The following PARD3 variants were observed in gnomAD, a reference collection of about 807,000 sequenced individuals.
The protein encoded by PARD3 is partitioning defective 3 homolog.
In PARD3, 75 loss-of-function variants were observed where a neutral mutation model predicts 155.4. The ratio of observed to expected loss-of-function variants is 0.48; its 90% CI spans 0.40 to 0.58. The LOEUF (loss-of-function observed/expected upper bound fraction) is 0.58, where lower values mean the gene tolerates loss of function less well. Among genes scored for constraint, PARD3 ranks in the 20% least tolerant of loss-of-function variants. The pLI, the probability that PARD3 is intolerant of heterozygous loss-of-function variation, is 0.00. For missense variants in PARD3, 1,642 were observed against 1,721.7 expected (o/e 0.95, Z 0.82); for synonymous variants, 576 against 610.5 (o/e 0.94, Z 0.83).
At chr10:34,306,795 C>T (rs1048072997) in intron 20 of PARD3, among the ~76,000 whole-genome samples, 26 of 152,160 alleles carry the variant, frequency 1.7e-4, no homozygotes, top group African/African-American at 3.6e-4. Flanking sequence ...AAGATGGGAA[C>T]GCCAGCATTG....
intron 22 of PARD3, among the ~76,000 whole-genome samples, chr10:34,228,754 T>C (rs1952757574): frequency 6.6e-6 from 1 of 151,978 alleles, no homozygotes; most frequent in African/African-American, 2.4e-5. Context: ...TTCAACAAAA[T>C]TACTTAAATG....
At chr10:34,467,329 T>TTGTGTGTGTG (rs61218571) in intron 4 of PARD3, among the ~76,000 whole-genome samples, 2,682 of 147,064 alleles carry the variant, frequency 0.018, 61 homozygotes, top group African/African-American at 0.052. Context: ...TGACTCCAAC[T>TTGTGTGTGTG]TGTGTGTGTG....
chr10:34,278,543 T>C (rs1411636158), intron 21 of PARD3, among the ~76,000 whole-genome samples: 1 of 152,138 alleles, frequency 6.6e-6, no homozygotes, highest in African/African-American at 2.4e-5. Context: ...TGGGGGCGGT[T>C]TCCCCCTCCT....
At chr10:34,135,495 G>A (rs982949786) in intron 22 of PARD3, among the ~76,000 whole-genome samples, 2 of 152,144 alleles carry the variant, frequency 1.3e-5, no homozygotes, top group Non-Finnish European at 2.9e-5. Flanking sequence ...TAATTACTAC[G>A]GGGATTGCAG....
chr10:34,174,534 A>C (rs929524540), intron 22 of PARD3, among the ~76,000 whole-genome samples: 1 of 152,154 alleles, frequency 6.6e-6, no homozygotes, highest in African/African-American at 2.4e-5. Context: ...GGAGTCCTGA[A>C]ACCCTGGTGC....
intron 3 of PARD3, among the ~76,000 whole-genome samples, chr10:34,501,672 C>T (rs192387184): frequency 2.7e-4 from 41 of 151,948 alleles, no homozygotes; most frequent in Admixed American, 2.7e-3. Context: ...TTCACACTAC[C>T]GTAAATATTT....
chr10:34,251,210 C>T (rs1377825839), intron 22 of PARD3, among the ~76,000 whole-genome samples: 1 of 152,130 alleles, frequency 6.6e-6, no homozygotes, highest in African/African-American at 2.4e-5. Flanking sequence ...ACAAATCTAA[C>T]TTAAGTGGTG....
intron 22 of PARD3, among the ~76,000 whole-genome samples, chr10:34,160,371 C>T (rs888359293): frequency 6.6e-5 from 10 of 152,194 alleles, no homozygotes; most frequent in Non-Finnish European, 1.5e-4. Context: ...AGATTGATCT[C>T]AATGTCCTCT....
In PARD3 at chr10:34,119,734, CGTTCGGCTGGAA is replaced by C. The variant is rs1946881452; in HGVS notation, c.3541-6_3546del. ...CGCCCGCTCTGCGTCGCCGGCCGTG[CGTTCGGCTGGAA>C]GAGGAAAATACAAGCACATCGTTAA... On this transcript the variant is annotated splice_acceptor_variant and splice_polypyrimidine_tract_variant and coding_sequence_variant and intron_variant, in exon 24 of 25. Coordinates refer to ENST00000374788, the MANE Select transcript of PARD3 (RefSeq NM_001184785.2). LOFTEE classifies it high-confidence loss of function. 1 of 1,610,324 alleles carries C rather than the reference CGTTCGGCTGGAA, an allele frequency of 6.2e-7. No homozygotes were observed.
chr10:34,225,152 A>G (rs1952521613), intron 22 of PARD3, among the ~76,000 whole-genome samples: 2 of 152,376 alleles, frequency 1.3e-5, no homozygotes, highest in South Asian at 4.1e-4. Flanking sequence ...AGTAGGGAAC[A>G]CAGACATATA....
At chr10:34,713,009 G>C (rs188958757) in intron 1 of PARD3, among the ~76,000 whole-genome samples, 9 of 152,030 alleles carry the variant, frequency 5.9e-5, no homozygotes, top group Non-Finnish European at 1.2e-4. Flanking sequence ...AGGAGCTCGA[G>C]ACCAGCCTGG....
chr10:34,217,861 A>G (rs1012762080), intron 22 of PARD3, among the ~76,000 whole-genome samples: 1 of 152,202 alleles, frequency 6.6e-6, no homozygotes, highest in Non-Finnish European at 1.5e-5. Context: ...GGTAGACACC[A>G]AAAGGTACAT....
intron 22 of PARD3, among the ~76,000 whole-genome samples, chr10:34,146,677 T>C (rs1341681112): frequency 6.6e-6 from 1 of 152,246 alleles, no homozygotes; most frequent in East Asian, 1.9e-4. Flanking sequence ...TAATCCTCTG[T>C]TTCAATCTTT....
At chr10:34,139,215 C>A (rs190879773) in intron 22 of PARD3, among the ~76,000 whole-genome samples, 191 of 152,310 alleles carry the variant, frequency 1.3e-3, no homozygotes, top group African/African-American at 4.2e-3. Context: ...AGACTCAATT[C>A]ACTTATACTC....
At chr10:34,494,563 C>CA (rs1452455024) in intron 3 of PARD3, among the ~76,000 whole-genome samples, 1 of 152,148 alleles carries the variant, frequency 6.6e-6, no homozygotes, top group Admixed American at 6.5e-5. Flanking sequence ...AAAGCAGGTC[C>CA]AGTGCCTCCA....
intron 2 of PARD3, among the ~76,000 whole-genome samples, chr10:34,575,898 A>G (rs1436810275): frequency 2.0e-5 from 3 of 152,022 alleles, no homozygotes; most frequent in Non-Finnish European, 4.4e-5. Context: ...CTCCGTCTCA[A>G]AAAAAAAGAA....
intron 20 of PARD3, among the ~76,000 whole-genome samples, chr10:34,289,179 C>T (rs536109733): frequency 6.6e-6 from 1 of 151,612 alleles, no homozygotes; most frequent in South Asian, 2.1e-4. Flanking sequence ...ATTGTCCCTG[C>T]GGGTCTTTTT....
At chr10:34,483,977 A>G (rs1053059707) in intron 3 of PARD3, among the ~76,000 whole-genome samples, 2 of 152,166 alleles carry the variant, frequency 1.3e-5, no homozygotes, top group Admixed American at 1.3e-4. Context: ...AGCTTACCTA[A>G]TAATATATTT....
intron 2 of PARD3, among the ~76,000 whole-genome samples, chr10:34,597,429 CTATTAT>C (rs1215436021): frequency 6.6e-6 from 1 of 151,130 alleles, no homozygotes; most frequent in South Asian, 2.1e-4. Flanking sequence ...TATTTATTTA[CTATTAT>C]TATTATTTTT....
Sources: gnomAD v4.1 joint callset for allele counts (sites outside exome capture counted in the v4.1 genomes callset) on GRCh38, gnomAD v4.1.1 for gene constraint, MANE v1.5 for transcripts, NCBI Gene and HGNC (gene_info 2026-07-23, HGNC 2026-07-21) for gene names.